Variants in RGS12 observed in about 807,000 individuals in gnomAD.
The protein encoded by RGS12 is regulator of G protein signaling 12.
A neutral mutation model predicts 120.1 loss-of-function variants in RGS12; 66 were observed. The observed-to-expected ratio is 0.55, with a 90% confidence interval of 0.45 to 0.67. The LOEUF (loss-of-function observed/expected upper bound fraction) is 0.67. Among genes scored for constraint, RGS12 ranks in the 30% least tolerant of loss-of-function variants. RGS12 has a pLI of 0.00. For missense variants in RGS12, 1,859 were observed against 1,957.7 expected, an observed-to-expected ratio of 0.95 and a Z score of 0.95; for synonymous variants, 827 against 804.7, an observed-to-expected ratio of 1.03 and a Z score of -0.47.
chr4:3,307,813 C>T (rs753353056), intron 1 of RGS12, among the ~76,000 whole-genome samples: 2 of 152,212 alleles, frequency 1.3e-5, no homozygotes, highest in Non-Finnish European at 2.9e-5. Context: ...GGGCGGGAGA[C>T]GCGAAATTCT....
At chr4:3,434,548 C>T (rs539648888) in intron 17 of RGS12, among the ~76,000 whole-genome samples, 3 of 152,286 alleles carry the variant, frequency 2.0e-5, no homozygotes, top group South Asian at 4.1e-4. Flanking sequence ...CTTCTGTTCT[C>T]GTGGGGAGGG....
chr4:3,388,091 C>T (rs1719045931), intron 4 of RGS12, among the ~76,000 whole-genome samples: 1 of 152,138 alleles, frequency 6.6e-6, no homozygotes, highest in East Asian at 1.9e-4. Context: ...CGCAGAGATC[C>T]CCTGGTGCTA....
chr4:3,383,501 G>C (rs1305975646), intron 3 of RGS12, among the ~76,000 whole-genome samples: 1 of 152,028 alleles, frequency 6.6e-6, no homozygotes, highest in South Asian at 2.1e-4. Flanking sequence ...AGCTACTTAG[G>C]AGGCTGACAT....
In RGS12 at chr4:3,430,697, G is replaced by A; in HGVS notation, c.3856G>A (p.Gly1286Arg). 6.3e-7 allele frequency: 1 copy of A among 1,578,242 alleles called. No individual in the cohort carries two copies. Among genetic ancestry groups the A allele is most frequent in the Non-Finnish European group, 8.6e-7 (1 of 1,162,082 alleles). ...AGCCTCCAGCCCCCCTGGACCTCCT[G>A]GGACGACCCCCCCCGGGCAGAAGTC... ...GSASSPPGPP[G>R]TTPPGQKSPS... is the part of the protein sequence containing the mutation. Residue 1286 changes from glycine (G) to arginine (R), a missense_variant, in exon 17 of 18, where the codon GGG becomes AGG. Gly to Arg is a moderately radical substitution (Grantham distance 125). Around this residue, in one of 3 missense-constraint regions of RGS12, gnomAD observed 517 missense variants for 488.5 expected, o/e 1.06. Coordinates refer to ENST00000336727, the MANE Select transcript of RGS12 (RefSeq NM_001394154.1).
chr4:3,401,630 G>A (rs1469899767), intron 4 of RGS12, among the ~76,000 whole-genome samples: 1 of 152,270 alleles, frequency 6.6e-6, no homozygotes, highest in Admixed American at 6.5e-5. Flanking sequence ...TGAGGAAGGA[G>A]CGGAGCTCTG....
intron 17 of RGS12, among the ~76,000 whole-genome samples, chr4:3,438,423 G>A (rs1035307870): frequency 2.0e-5 from 3 of 151,996 alleles, no homozygotes; most frequent in Non-Finnish European, 4.4e-5. Context: ...CGTACAGATG[G>A]GGGGGTGGGG....
intron 2 of RGS12, among the ~76,000 whole-genome samples, chr4:3,336,564 T>C (rs1446163860): frequency 6.6e-6 from 1 of 152,212 alleles, no homozygotes; most frequent in Non-Finnish European, 1.5e-5. Flanking sequence ...GTACTTGGTA[T>C]GCACCAAGCA....
chr4:3,318,066 A>T lies in RGS12; in HGVS notation c.1881+15A>T. 6.7e-7 allele frequency: 1 copy of T among 1,494,242 alleles called. No individual in the cohort carries two copies. The highest frequency in any genetic ancestry group is 9.1e-7 in the Non-Finnish European group (1 of 1,095,480). 92.6% of individuals were successfully genotyped at this position (1,494,242 alleles called of 1,614,324 possible). A position where few individuals can be genotyped will look rare whatever the true frequency, so the allele number is the denominator to read the frequency against. Reference sequence around the variant, plus strand: ...AAGATAAAAAGGTAAGCCTGCCAGGAGCCACTCAGCGCGGAGGCCCGGCCT... The same window carrying T: ...AAGATAAAAAGGTAAGCCTGCCAGGTGCCACTCAGCGCGGAGGCCCGGCCT... On this transcript the variant is annotated intron_variant, in intron 2 of 17. Transcript: ENST00000336727.
At chr4:3,310,742 G>A (rs543143167) in intron 1 of RGS12, among the ~76,000 whole-genome samples, 2 of 152,234 alleles carry the variant, frequency 1.3e-5, no homozygotes, top group East Asian at 1.9e-4. Context: ...GTGGTGGTGG[G>A]GGGAGGCTGC....
chr4:3,309,450 A>G (rs71608272), intron 1 of RGS12, among the ~76,000 whole-genome samples: 2,442 of 36,168 alleles, frequency 0.068, 23 homozygotes, highest in Middle Eastern at 0.14. Flanking sequence ...GCTGGGACCC[A>G]GGAATGGCAG....
intron 2 of RGS12, among the ~76,000 whole-genome samples, chr4:3,338,325 G>C (rs1712701094): frequency 6.6e-6 from 1 of 152,248 alleles, no homozygotes; most frequent in East Asian, 1.9e-4. Flanking sequence ...CTCCCAAAGA[G>C]TTGGGATTAC....
At chr4:3,437,894 G>C (rs1388582419) in intron 17 of RGS12, among the ~76,000 whole-genome samples, 1 of 152,164 alleles carries the variant, frequency 6.6e-6, no homozygotes, top group Non-Finnish European at 1.5e-5. Flanking sequence ...GCCCGGACTT[G>C]TTCACAGATG....
At chr4:3,329,436 G>T (rs1183957964) in intron 2 of RGS12, among the ~76,000 whole-genome samples, 2 of 152,170 alleles carry the variant, frequency 1.3e-5, no homozygotes, top group Admixed American at 6.5e-5. Flanking sequence ...GCACAGGACA[G>T]TAAATGTGCT....
intron 7 of RGS12, among the ~76,000 whole-genome samples, chr4:3,416,333 C>T (rs752642567): frequency 3.3e-5 from 5 of 152,162 alleles, no homozygotes; most frequent in Non-Finnish European, 2.9e-5. Flanking sequence ...AAATAAGTCC[C>T]GAACCACTGC....
At chr4:3,439,204 C>G (rs1037972455) in intron 17 of RGS12, among the ~76,000 whole-genome samples, 2 of 152,020 alleles carry the variant, frequency 1.3e-5, no homozygotes, top group African/African-American at 4.8e-5. Context: ...GGTAGGGTTT[C>G]TGAGTGGGTC....
intron 3 of RGS12, among the ~76,000 whole-genome samples, chr4:3,364,664 A>G (rs1716112943): frequency 6.6e-6 from 1 of 152,044 alleles, no homozygotes; most frequent in Admixed American, 6.5e-5. Context: ...TGGGTGTCCC[A>G]GGGACAGAGG....
chr4:3,383,105 G>A (rs1254886502), intron 3 of RGS12, among the ~76,000 whole-genome samples: 1 of 152,024 alleles, frequency 6.6e-6, no homozygotes, highest in Non-Finnish European at 1.5e-5. Flanking sequence ...CAGGAGTGTT[G>A]CACCTAGGAC....
chr4:3,391,773 C>G (rs1488171400), intron 4 of RGS12, among the ~76,000 whole-genome samples: 2 of 140,864 alleles, frequency 1.4e-5, no homozygotes, highest in African/African-American at 6.2e-5. Flanking sequence ...GGGGGCCTCA[C>G]CAGAGAGGGC....
chr4:3,362,716 A>AG (rs1277809534), intron 3 of RGS12, among the ~76,000 whole-genome samples: 1 of 91,254 alleles, frequency 1.1e-5, no homozygotes, highest in African/African-American at 4.4e-5. Flanking sequence ...AGGCTGTGTG[A>AG]GGGTGAGGGT....
Sources: allele counts gnomAD v4.1 joint callset (sites outside exome capture counted in the v4.1 genomes callset), GRCh38; gene constraint gnomAD v4.1.1; regional missense constraint gnomAD v4.1.1; transcripts MANE v1.5; gene names NCBI Gene and HGNC (gene_info 2026-07-23, HGNC 2026-07-21).